The following DCAF12 variants were observed in gnomAD, a reference collection of about 807,000 sequenced individuals.
The protein encoded by DCAF12 is DDB1 and CUL4 associated factor 12, also known as DDB1- and CUL4-associated factor 12.
Under a neutral mutation model 52.8 loss-of-function variants are expected in DCAF12, and 28 were observed. The ratio of observed to expected loss-of-function variants is 0.53; its 90% CI spans 0.39 to 0.73. The LOEUF is 0.73. Among genes scored for constraint, DCAF12 ranks in the 30% least tolerant of loss-of-function variants. The pLI, the probability that DCAF12 is intolerant of heterozygous loss-of-function variation, is 0.00. For missense variants in DCAF12, 425 were observed against 552.2 expected, an observed-to-expected ratio of 0.77 and a Z score of 2.31; for synonymous variants, 196 against 215.5, an observed-to-expected ratio of 0.91 and a Z score of 0.79.
rs759575757 is a variant in DCAF12, at chr9:34,100,105, G to T, written c.602-1588C>A. On this transcript the variant is annotated intron_variant, in intron 4 of 8. Transcript: ENST00000361264. ...ACAGGGCAATAGTGGCACAATCATA[G>T]CTCACTGCAGGCTCAACTTCCTGGG... is the stretch of plus-strand genomic sequence containing the variant. Among the ~76,000 whole-genome samples the T allele has an allele frequency of 5.5e-4, 83 of 151,730 alleles. 1 individual carries two copies. Among genetic ancestry groups the T allele is most frequent in the Non-Finnish European group, 8.8e-5 (6 of 67,976 alleles).
Position 34,103,675 on chromosome 9 carries a change from G to A in DCAF12, c.601+2759C>T, listed in dbSNP as rs574644615. On this transcript the variant is annotated intron_variant, in intron 4 of 8. Transcript: ENST00000361264. ...TTGACAGCAGCCTGGGCAACAAAGC[G>A]AGACCCAGTCTCTATAAAAAATAGA... is the stretch of plus-strand genomic sequence containing the variant. Among the ~76,000 whole-genome samples the A allele has an allele frequency of 1.8e-3, 281 of 152,102 alleles. 1 individual carries two copies. The highest frequency in any genetic ancestry group is 3.3e-3 in the Non-Finnish European group (227 of 68,000).
At chr9:34,118,098 C>T (rs1367470052) in intron 2 of DCAF12, among the ~76,000 whole-genome samples, 1 of 152,024 alleles carries the variant, frequency 6.6e-6, no homozygotes, top group Admixed American at 6.6e-5. Context: ...TTTCTTCCTA[C>T]CTATAGAAGA....
At chr9:34,105,029 G>C (rs762359428) in intron 4 of DCAF12, among the ~76,000 whole-genome samples, 23 of 151,666 alleles carry the variant, frequency 1.5e-4, no homozygotes, top group Admixed American at 2.6e-4. Context: ...CGAGGCAGGC[G>C]AATCACTGAG....
intron 2 of DCAF12, among the ~76,000 whole-genome samples, chr9:34,121,860 T>C (rs1019407794): frequency 2.0e-5 from 3 of 152,150 alleles, no homozygotes; most frequent in Non-Finnish European, 4.4e-5. Context: ...GGAGAATCGA[T>C]TGAACCCAGG....
chr9:34,095,381 T>C (rs1828720102), intron 6 of DCAF12, among the ~76,000 whole-genome samples: 1 of 81,780 alleles, frequency 1.2e-5, no homozygotes, highest in Non-Finnish European at 2.8e-5. Context: ...CCTTTTTTTT[T>C]TTTTTTTTTT....
chr9:34,122,864 C>G (rs72731222), intron 2 of DCAF12, among the ~76,000 whole-genome samples: 13,781 of 152,200 alleles, frequency 0.091, 903 homozygotes, highest in Non-Finnish European at 0.13. Flanking sequence ...TTCTTTGCAG[C>G]CCCTACTACT....
intron 2 of DCAF12, among the ~76,000 whole-genome samples, chr9:34,111,139 C>T (rs986732221): frequency 6.6e-6 from 1 of 151,990 alleles, no homozygotes; most frequent in Non-Finnish European, 1.5e-5. Flanking sequence ...GCGTGCACCA[C>T]CACGCCCAGC....
At chr9:34,098,078 G>T (rs1162261798) in intron 5 of DCAF12, among the ~76,000 whole-genome samples, 1 of 152,198 alleles carries the variant, frequency 6.6e-6, no homozygotes, top group Non-Finnish European at 1.5e-5. Context: ...GTGGCCCTAG[G>T]GGAATTCTGT....
intron 2 of DCAF12, among the ~76,000 whole-genome samples, chr9:34,122,473 ATTTTTTT>A (rs762013826): frequency 3.1e-5 from 4 of 127,684 alleles, no homozygotes; most frequent in African/African-American, 1.2e-4. Context: ...ATTAGTATCA[ATTTTTTT>A]TTTTTTTTTT....
At position 34,121,321 on chromosome 9, in the gene DCAF12, C is replaced by A. The variant is rs370378220; in HGVS notation, c.333+3702G>T. On this transcript the variant is annotated intron_variant, in intron 2 of 8. Transcript: ENST00000361264. ...ATACCCAAACATAGAATTTGCCCGTCGTGACAGTATCCATCTGGAGCAAAG... is the reference window on the plus strand; with the variant it reads ...ATACCCAAACATAGAATTTGCCCGTAGTGACAGTATCCATCTGGAGCAAAG... 7.2e-5 allele frequency among the ~76,000 whole-genome samples: 11 copies of A among 152,298 alleles called. No homozygotes were observed. In the East Asian group the frequency reaches 1.9e-3, roughly 27 times the overall value.
rs776109707 is a variant in DCAF12 at position 34,126,449 on chromosome 9, C to T, written c.-18G>A. 1.9e-6 allele frequency: 3 copies of T among 1,600,696 alleles called. No homozygotes were observed. In the East Asian group the frequency reaches 6.7e-5, roughly 36 times the overall value. On this transcript the variant is annotated 5_prime_UTR_variant, in exon 1 of 9. Coordinates refer to ENST00000361264, the MANE Select transcript of DCAF12 (RefSeq NM_015397.4). Reference sequence around the variant, plus strand: ...CGGGCCATAGTGGGCAGCGCCGCCGCGGCCCCGCAGCCACATGGGGCGGGG... The same window carrying T: ...CGGGCCATAGTGGGCAGCGCCGCCGTGGCCCCGCAGCCACATGGGGCGGGG...
At chr9:34,111,331 G>A (rs899073145) in intron 2 of DCAF12, among the ~76,000 whole-genome samples, 2 of 151,966 alleles carry the variant, frequency 1.3e-5, no homozygotes, top group East Asian at 1.9e-4. Context: ...TTCATGATTC[G>A]GTTCAGATAT....
chr9:34,112,673 C>T lies in DCAF12; in HGVS notation c.334-5108G>A, dbSNP rs375792276. ...CAGTACTTTGGGAGGCCGAGGAGGG[C>T]GGATCATCTGAGGTTGGGAGTTCGA... On this transcript the variant is annotated intron_variant, in intron 2 of 8. Transcript: ENST00000361264. Among the ~76,000 whole-genome samples the T allele has an allele frequency of 3.1e-3, 467 of 151,980 alleles. 2 individuals carry two copies. The Middle Eastern group carries it at 0.048, about 15-fold the overall frequency.
At chr9:34,094,073 G>A (rs1362790170) in intron 6 of DCAF12, among the ~76,000 whole-genome samples, 4 of 152,134 alleles carry the variant, frequency 2.6e-5, no homozygotes, top group Admixed American at 2.6e-4. Flanking sequence ...ACTAATTCCT[G>A]GAACCCTGCT....
intron 2 of DCAF12, among the ~76,000 whole-genome samples, chr9:34,114,264 C>G (rs1343582674): frequency 6.6e-6 from 1 of 151,978 alleles, no homozygotes; most frequent in East Asian, 1.9e-4. Context: ...TATGTGGAAC[C>G]TTAAAAAGTT....
At chr9:34,125,416 A>C (rs1829233810) in intron 1 of DCAF12, 139 bp from the exon 2 acceptor site, 2 of 1,010,054 alleles carry the variant, frequency 2.0e-6, no homozygotes, top group Non-Finnish European at 2.9e-6. Context: ...GAGAACAAGA[A>C]TCTCAATCCA....
At chr9:34,093,202 TG>T in intron 7 of DCAF12, 83 bp downstream of exon 7, 1 of 1,534,060 alleles carries the variant, frequency 6.5e-7, no homozygotes, top group Non-Finnish European at 9.0e-7. Flanking sequence ...GCACTATACC[TG>T]TTTGGAAACC....
At chr9:34,110,857 T>C (rs1207938695) in intron 2 of DCAF12, among the ~76,000 whole-genome samples, 1 of 152,276 alleles carries the variant, frequency 6.6e-6, no homozygotes, top group South Asian at 2.1e-4. Flanking sequence ...CCTCTTGCCA[T>C]GGACTTCAAA....
At chr9:34,093,498 C>T in intron 6 of DCAF12, 50 bp from the exon 7 acceptor site, 2 of 1,598,118 alleles carry the variant, frequency 1.3e-6, no homozygotes, top group African/African-American at 2.7e-5. Flanking sequence ...GAGGGTAAGG[C>T]AGGGATATTG....
Sources: gnomAD v4.1 joint callset for allele counts (sites outside exome capture counted in the v4.1 genomes callset) on GRCh38, gnomAD v4.1.1 for gene constraint, MANE v1.5 for transcripts, NCBI Gene and HGNC (gene_info 2026-07-23, HGNC 2026-07-21) for gene names.